ATP2B1: variants seen among roughly 807,000 people sequenced by gnomAD.
ATP2B1 encodes the protein ATPase plasma membrane Ca2+ transporting 1, also known as plasma membrane calcium-transporting ATPase 1.
ATP2B1 carries 14 observed loss-of-function variants against 124.2 expected under a neutral mutation model. The ratio of observed to expected loss-of-function variants is 0.11; its 90% CI spans 0.07 to 0.18. ATP2B1 has a LOEUF of 0.18. Ranked by LOEUF, ATP2B1 falls within the 10% of genes least tolerant of loss-of-function variation. The pLI, the probability that ATP2B1 is intolerant of heterozygous loss-of-function variation, is 1.00. For missense variants in ATP2B1, 763 were observed against 1,466.1 expected (o/e 0.52, Z 7.83); for synonymous variants, 449 against 492.4 (o/e 0.91, Z 1.17).
At chr12:89,643,982 T>A (rs1884049623) in intron 2 of ATP2B1, among the ~76,000 whole-genome samples, 1 of 151,556 alleles carries the variant, frequency 6.6e-6, no homozygotes, top group African/African-American at 2.4e-5. Context: ...ATTAACCGGG[T>A]ATGGTGGTGG....
chr12:89,689,442 G>A lies in ATP2B1; in HGVS notation c.-222+19154C>T, dbSNP rs1890310575. ...GGAAATTGGGTCTTCCAGCAGCTGA[G>A]TATAAACTCACTCTGTCTCCCAACC... On this transcript the variant is annotated intron_variant, in intron 1 of 20. Coordinates refer to ENST00000428670, the MANE Select transcript of ATP2B1 (RefSeq NM_001366521.1). Among the ~76,000 whole-genome samples the A allele has an allele frequency of 7.9e-5, 12 of 152,176 alleles. No individual in the cohort carries two copies. The South Asian group carries it at 2.5e-3, about 32-fold the overall frequency.
Position 89,627,395 on chromosome 12 carries a change from CCA to C in ATP2B1, c.967+281_967+282del, listed in dbSNP as rs1491286896. Among the ~76,000 whole-genome samples, 397 of 138,460 alleles carry C rather than the reference CCA, an allele frequency of 2.9e-3. 1 individual carries two copies. The highest frequency in any genetic ancestry group is 0.011 in the African/African-American group (377 of 34,950). 90.8% of individuals were successfully genotyped at this position (138,460 alleles called of 152,430 possible). ...TATGTACATGCAAATATTCCAAAAT[CCA>C]AAAAAAAAAAAAAAAAAAATCTGAA... On this transcript the variant is annotated intron_variant, in intron 7 of 20. Coordinates refer to ENST00000428670, the MANE Select transcript of ATP2B1 (RefSeq NM_001366521.1).
At chr12:89,636,005 A>G (rs1040347737) in intron 3 of ATP2B1, among the ~76,000 whole-genome samples, 13 of 152,206 alleles carry the variant, frequency 8.5e-5, no homozygotes. Flanking sequence ...TCACATATCG[A>G]CAAGTGCCAT....
At chr12:89,654,960 T>C (rs1283211987) in intron 2 of ATP2B1, among the ~76,000 whole-genome samples, 2 of 152,162 alleles carry the variant, frequency 1.3e-5, no homozygotes, top group East Asian at 1.9e-4. Context: ...CTTTATTTTA[T>C]GTTTAATCTG....
chr12:89,652,804 CAT>C (rs1391759063), intron 2 of ATP2B1, among the ~76,000 whole-genome samples: 1 of 152,178 alleles, frequency 6.6e-6, no homozygotes, highest in Non-Finnish European at 1.5e-5. Flanking sequence ...GTGGTGCAAT[CAT>C]AGCTCACTGC....
chr12:89,623,873 G>A (rs553704242), intron 9 of ATP2B1, among the ~76,000 whole-genome samples: 4 of 152,078 alleles, frequency 2.6e-5, no homozygotes, highest in South Asian at 2.1e-4. Context: ...TTTTACAGAC[G>A]GGAAAGAGGA....
rs560842183 is a variant in ATP2B1, at chr12:89,703,267, T to G, written c.-222+5329A>C. ...CAGGTAATTCACGTGGATATGGTAT[T>G]AGATAAAATAGTTCCAAAAGTCAGA... On this transcript the variant is annotated intron_variant, in intron 1 of 20. Transcript: ENST00000428670. 1.3e-3 allele frequency among the ~76,000 whole-genome samples: 193 copies of G among 152,320 alleles called. 1 individual carries two copies. The highest frequency in any genetic ancestry group is 4.4e-3 in the African/African-American group (184 of 41,570).
At chr12:89,677,696 C>T (rs1301786950) in intron 1 of ATP2B1, among the ~76,000 whole-genome samples, 3 of 151,816 alleles carry the variant, frequency 2.0e-5, no homozygotes, top group Admixed American at 6.6e-5. Flanking sequence ...AACTTCATAC[C>T]AATGTTCTTT....
rs551552771 is a variant in ATP2B1, at chr12:89,632,027, G to A, written c.788-1382C>T. 2.4e-4 allele frequency among the ~76,000 whole-genome samples: 36 copies of A among 152,250 alleles called. 1 individual carries two copies. The highest frequency in any genetic ancestry group is 7.5e-4 in the African/African-American group (31 of 41,556). On this transcript the variant is annotated intron_variant, in intron 5 of 20. Transcript: ENST00000428670. ...TCTTCTTCAGTTATAATGCTGATAAGTCTGCTTACGGTTCTCCGACTTGTA... is the reference window on the plus strand; with the variant it reads ...TCTTCTTCAGTTATAATGCTGATAAATCTGCTTACGGTTCTCCGACTTGTA...
chr12:89,677,560 C>T (rs1431641164), intron 1 of ATP2B1, among the ~76,000 whole-genome samples: 9 of 152,266 alleles, frequency 5.9e-5, no homozygotes, highest in South Asian at 2.1e-4. Context: ...CCCTTCTCTG[C>T]ATCCTCCTCT....
chr12:89,611,527 C>T (rs944725586), intron 12 of ATP2B1, 155 bp from the exon 13 acceptor site: 8 of 568,964 alleles, frequency 1.4e-5, no homozygotes, highest in Non-Finnish European at 2.1e-5. Context: ...CAATACTCAA[C>T]ATTTCTTGCA....
chr12:89,628,163 G>A (rs1226365434), intron 6 of ATP2B1, among the ~76,000 whole-genome samples: 1 of 152,066 alleles, frequency 6.6e-6, no homozygotes. Context: ...AGCATTTTGG[G>A]AGGCCAAGGT....
intron 2 of ATP2B1, among the ~76,000 whole-genome samples, chr12:89,646,868 A>G (rs538713054): frequency 1.2e-4 from 18 of 152,194 alleles, no homozygotes; most frequent in Non-Finnish European, 2.5e-4. Context: ...ACATTAAGAC[A>G]AGTGACTTAA....
chr12:89,591,323 T>C (rs1395448771), intron 20 of ATP2B1, 28 bp from the exon 21 acceptor site: 1 of 1,570,680 alleles, frequency 6.4e-7, no homozygotes, highest in Non-Finnish European at 8.7e-7. Context: ...TACAGAAATA[T>C]GTCAGTACAC....
chr12:89,697,531 A>G (rs71454165), intron 1 of ATP2B1, among the ~76,000 whole-genome samples: 1 of 152,214 alleles, frequency 6.6e-6, no homozygotes, highest in Non-Finnish European at 1.5e-5. Flanking sequence ...ACAAGACTGT[A>G]CAAAGACACA....
chr12:89,634,611 T>C (rs913094326), intron 5 of ATP2B1, among the ~76,000 whole-genome samples, 167 bp downstream of exon 5: 2 of 152,176 alleles, frequency 1.3e-5, no homozygotes, highest in African/African-American at 2.4e-5. Flanking sequence ...TTTTCTAATG[T>C]TTTTGTCAGC....
chr12:89,644,283 G>A (rs1884108485), intron 2 of ATP2B1, among the ~76,000 whole-genome samples: 1 of 152,214 alleles, frequency 6.6e-6, no homozygotes, highest in South Asian at 2.1e-4. Flanking sequence ...CAGGAAAACA[G>A]TAGATTACTG....
At chr12:89,622,846 TATTA>T (rs1880230598) in intron 9 of ATP2B1, among the ~76,000 whole-genome samples, 1 of 152,190 alleles carries the variant, frequency 6.6e-6, no homozygotes, top group South Asian at 2.1e-4. Flanking sequence ...AACTTGTTCT[TATTA>T]ATTTTCTATT....
At chr12:89,639,929 A>T (rs1272199066) in intron 3 of ATP2B1, among the ~76,000 whole-genome samples, 1 of 152,226 alleles carries the variant, frequency 6.6e-6, no homozygotes, top group Non-Finnish European at 1.5e-5. Context: ...TAATCTGCTA[A>T]CTCAATTCTA....
Sources: gnomAD v4.1 joint callset for allele counts (sites outside exome capture counted in the v4.1 genomes callset) on GRCh38, gnomAD v4.1.1 for gene constraint, MANE v1.5 for transcripts, NCBI Gene and HGNC (gene_info 2026-07-23, HGNC 2026-07-21) for gene names.